PTPN4: variants seen among roughly 807,000 people sequenced by gnomAD.
PTPN4 encodes the protein protein tyrosine phosphatase non-receptor type 4.
PTPN4 carries 49 observed loss-of-function variants against 135.5 expected under a neutral mutation model. The ratio of observed to expected loss-of-function variants is 0.36; its 90% CI spans 0.29 to 0.46. PTPN4 has a LOEUF of 0.46. PTPN4 is among the 20% of genes least tolerant of loss of function. PTPN4 has a pLI of 1.00. For missense variants in PTPN4, 860 were observed against 1,101.0 expected (o/e 0.78, Z 3.10); for synonymous variants, 333 against 369.9 (o/e 0.90, Z 1.14).
intron 1 of PTPN4, among the ~76,000 whole-genome samples, chr2:119,803,729 A>G (rs892838502): frequency 6.6e-6 from 1 of 152,122 alleles, no homozygotes; most frequent in Non-Finnish European, 1.5e-5. Context: ...AGTTGTATCA[A>G]TTATTGAGAA....
Position 119,884,892 on chromosome 2 carries a change from C to G in PTPN4, c.588-903C>G, listed in dbSNP as rs927085435. Among the ~76,000 whole-genome samples the G allele has an allele frequency of 1.3e-5, 2 of 152,062 alleles. 1 individual carries two copies. Among genetic ancestry groups the G allele is most frequent in the East Asian group, 3.9e-4 (2 of 5,176 alleles). On this transcript the variant is annotated intron_variant, in intron 8 of 26. Transcript: ENST00000263708. Reference sequence around the variant, plus strand: ...GCATTAGTGAATAGAAAGTTTGTATCTTTGTTTTTGTAATTTGCTGCTTTT... The same window carrying G: ...GCATTAGTGAATAGAAAGTTTGTATGTTTGTTTTTGTAATTTGCTGCTTTT...
chr2:119,820,433 T>C (rs1677048829), intron 2 of PTPN4, among the ~76,000 whole-genome samples: 1 of 152,178 alleles, frequency 6.6e-6, no homozygotes. Flanking sequence ...ATAAGGAAGC[T>C]ACATGACTCA....
chr2:119,831,803 A>G (rs2104963576), intron 2 of PTPN4, among the ~76,000 whole-genome samples: 1 of 152,234 alleles, frequency 6.6e-6, no homozygotes, highest in Non-Finnish European at 1.5e-5. Context: ...TACTCTGCCA[A>G]TATTTGAGTC....
rs529829938 is a variant in PTPN4, at chr2:119,975,772, A to G, written c.2695-1212A>G. 1.6e-3 allele frequency among the ~76,000 whole-genome samples: 248 copies of G among 152,244 alleles called. 5 individuals are homozygous for G. Among genetic ancestry groups the G allele is most frequent in the African/African-American group, 5.5e-3 (230 of 41,556 alleles). ...GCTCTCCTCTATATGGTTGTCATCA[A>G]CTAGATACACACATTGATTAGTTTT... On this transcript the variant is annotated intron_variant, in intron 26 of 26. Coordinates refer to ENST00000263708, the MANE Select transcript of PTPN4 (RefSeq NM_002830.4).
Position 119,946,588 on chromosome 2 carries a change from A to AT in PTPN4, c.1656+15dup, listed in dbSNP as rs3214717. 0.68 allele frequency: 1,056,329 copies of AT among 1,561,452 alleles called. 362,838 individuals carry two copies. Among genetic ancestry groups the AT allele is most frequent in the East Asian group, 0.83 (36,663 of 44,174 alleles). ...CCAGGAACACCTGTGAGTTATCTAA[A>AT]TGTTTCAAATAAATCCTGTTTTCAA... is the stretch of plus-strand genomic sequence containing the variant. On this transcript the variant is annotated intron_variant, in intron 18 of 26. Transcript: ENST00000263708.
At chr2:119,810,993 G>T (rs566261283) in intron 2 of PTPN4, among the ~76,000 whole-genome samples, 2 of 151,712 alleles carry the variant, frequency 1.3e-5, no homozygotes, top group Non-Finnish European at 2.9e-5. Context: ...AATTTTTCAG[G>T]ATGTTTTCTG....
chr2:119,935,820 G>T (rs1678974081), intron 15 of PTPN4, among the ~76,000 whole-genome samples: 1 of 151,958 alleles, frequency 6.6e-6, no homozygotes, highest in Admixed American at 6.6e-5. Flanking sequence ...TTGAAATATT[G>T]ATTTGATTTT....
intron 8 of PTPN4, among the ~76,000 whole-genome samples, chr2:119,883,927 T>C (rs1678116870): frequency 6.6e-6 from 1 of 152,108 alleles, no homozygotes; most frequent in Non-Finnish European, 1.5e-5. Flanking sequence ...TGAAACGGAG[T>C]CTCGCTCTGT....
At chr2:119,871,502 G>A (rs994913009) in intron 3 of PTPN4, among the ~76,000 whole-genome samples, 3 of 152,142 alleles carry the variant, frequency 2.0e-5, no homozygotes, top group East Asian at 3.9e-4. Flanking sequence ...AGGAGTTCTG[G>A]ACTATAGTGC....
intron 1 of PTPN4, among the ~76,000 whole-genome samples, chr2:119,772,816 GGC>G (rs1399142197): frequency 6.6e-6 from 1 of 152,206 alleles, no homozygotes; most frequent in Non-Finnish European, 1.5e-5. Context: ...TGGGATTACA[GGC>G]GTGAGCCACC....
At chr2:119,833,681 ATTT>A (rs899640869) in intron 2 of PTPN4, among the ~76,000 whole-genome samples, 2 of 148,726 alleles carry the variant, frequency 1.3e-5, no homozygotes, top group Admixed American at 1.3e-4. Context: ...CCTCGGACTA[ATTT>A]TTTTTTTTAA....
intron 10 of PTPN4, among the ~76,000 whole-genome samples, chr2:119,914,210 C>T (rs188066896): frequency 3.5e-5 from 5 of 144,812 alleles, no homozygotes; most frequent in Admixed American, 2.7e-4. Context: ...AATTGAGGCA[C>T]CTGGCTTTTT....
At chr2:119,896,142 C>G (rs1452336039) in intron 9 of PTPN4, among the ~76,000 whole-genome samples, 1 of 152,192 alleles carries the variant, frequency 6.6e-6, no homozygotes, top group African/African-American at 2.4e-5. Context: ...CCACCTAGTT[C>G]AAGTGGTAGA....
chr2:119,798,178 T>C (rs1691297885), intron 1 of PTPN4, among the ~76,000 whole-genome samples: 2 of 152,042 alleles, frequency 1.3e-5, no homozygotes, highest in Admixed American at 6.5e-5. Context: ...CTTTTTTTTT[T>C]TTTTTGAGAC....
chr2:119,908,604 C>A (rs899353569), intron 10 of PTPN4, among the ~76,000 whole-genome samples: 7 of 152,152 alleles, frequency 4.6e-5, no homozygotes, highest in Non-Finnish European at 7.4e-5. Flanking sequence ...TTGGAACTCC[C>A]TGTTCACTGA....
intron 13 of PTPN4, among the ~76,000 whole-genome samples, chr2:119,927,985 T>A (rs546466651): frequency 3.2e-4 from 49 of 152,158 alleles, no homozygotes; most frequent in Non-Finnish European, 5.9e-4. Flanking sequence ...TCCAACAGTA[T>A]CAAAGAGCAT....
chr2:119,921,014 C>T lies in PTPN4; in HGVS notation c.1001+773C>T, dbSNP rs114802260. Among the ~76,000 whole-genome samples, 551 of 152,306 alleles carry T rather than the reference C, an allele frequency of 3.6e-3. 3 individuals are homozygous for T. Among genetic ancestry groups the T allele is most frequent in the African/African-American group, 0.013 (529 of 41,578 alleles). ...TAAAACCCTTGGCCAGTCGCAATGG[C>T]TCACACCTGTAATCCCAGCTCTTTG... On this transcript the variant is annotated intron_variant, in intron 12 of 26. Coordinates refer to ENST00000263708, the MANE Select transcript of PTPN4 (RefSeq NM_002830.4).
chr2:119,765,024 TGTCTGA>T, intron 1 of PTPN4, among the ~76,000 whole-genome samples: 1 of 152,052 alleles, frequency 6.6e-6, no homozygotes, highest in East Asian at 1.9e-4. Context: ...TCGGGCAAAC[TGTCTGA>T]TTTCTGAGTC....
chr2:119,847,837 G>A (rs1342757872), intron 2 of PTPN4, among the ~76,000 whole-genome samples: 1 of 152,200 alleles, frequency 6.6e-6, no homozygotes, highest in African/African-American at 2.4e-5. Flanking sequence ...TTTTAAAGAT[G>A]TGCTGAGTAC....
Sources: gnomAD v4.1 joint callset for allele counts (sites outside exome capture counted in the v4.1 genomes callset) on GRCh38, gnomAD v4.1.1 for gene constraint, MANE v1.5 for transcripts, NCBI Gene and HGNC (gene_info 2026-07-23, HGNC 2026-07-21) for gene names.